The following BLM variants were observed in gnomAD, a reference collection of about 807,000 sequenced individuals.
BLM encodes BLM RecQ like helicase, also known as recQ-like DNA helicase BLM.
BLM carries 95 observed loss-of-function variants against 135.3 expected under a neutral mutation model. The observed-to-expected ratio is 0.70, with a 90% confidence interval of 0.59 to 0.83. The LOEUF is 0.83. Among genes scored for constraint, BLM ranks in the 40% least tolerant of loss-of-function variants. The probability of loss-of-function intolerance (pLI) is 0.00; values close to 1 mark genes in which losing one functional copy is unlikely to be tolerated. For missense variants in BLM, 1,518 were observed against 1,663.9 expected, an observed-to-expected ratio of 0.91 and a Z score of 1.53; for synonymous variants, 520 against 589.2, an observed-to-expected ratio of 0.88 and a Z score of 1.70.
At position 90,766,988 on chromosome 15, in the gene BLM, C is replaced by T; in HGVS notation, c.2272C>T (p.Pro758Ser). Residue 758 changes from proline (P) to serine (S), a missense_variant, in exon 10 of 22, where the codon CCA becomes TCA. By Grantham distance (74) the Pro-to-Ser change is moderately conservative. Around this residue, in one of 5 missense-constraint regions of BLM, gnomAD observed 626 missense variants for 681.1 expected, o/e 0.92. Transcript: ENST00000355112. ...NIYLQLSKKD[P>S]IIKLLYVTPE... Reference sequence around the variant, plus strand: ...TTACCTCCAGTTATCAAAAAAAGACCCAATCATAAAACTTCTATATGTCAC... The same window carrying T: ...TTACCTCCAGTTATCAAAAAAAGACTCAATCATAAAACTTCTATATGTCAC... The T allele has an allele frequency of 6.3e-7, 1 of 1,597,526 alleles. No individual in the cohort carries two copies. The highest frequency in any genetic ancestry group is 8.6e-7 in the Non-Finnish European group (1 of 1,166,362).
At chr15:90,717,995 G>A (rs1297740834) in intron 1 of BLM, among the ~76,000 whole-genome samples, 1 of 152,126 alleles carries the variant, frequency 6.6e-6, no homozygotes, top group Non-Finnish European at 1.5e-5. Flanking sequence ...TCGAATTCTG[G>A]CTCCTTCACA....
At chr15:90,744,953 A>T (rs1038724510) in intron 1 of BLM, among the ~76,000 whole-genome samples, 5 of 151,724 alleles carry the variant, frequency 3.3e-5, no homozygotes, top group African/African-American at 7.3e-5. Context: ...TGGGAGGGTG[A>T]GGTGGGAGGA....
intron 12 of BLM, among the ~76,000 whole-genome samples, chr15:90,770,429 G>A (rs897621353): frequency 9.2e-5 from 14 of 152,148 alleles, no homozygotes; most frequent in Non-Finnish European, 1.5e-4. Flanking sequence ...GCCCGCCTTG[G>A]CCTCCCAAAG....
At position 90,798,221 on chromosome 15, in the gene BLM, T is replaced by G. The variant is rs762716289; in HGVS notation, c.3242T>G (p.Val1081Gly). Residue 1081 changes from valine (V) to glycine (G), a missense_variant, in exon 17 of 22, where the codon GTG becomes GGG. This residue lies in a region of BLM where 626 missense variants were observed against 681.1 expected (regional missense o/e 0.92). Transcript: ENST00000355112. ...DYKTRDVTDD[V>G]KSIVRFVQEH... ...AAAACAAGAGATGTGACTGACGATG[T>G]GAAAAGTATTGTAAGATTTGTTCAA... The G allele has an allele frequency of 1.2e-6, 2 of 1,609,120 alleles. No individual in the cohort carries two copies. The highest frequency in any genetic ancestry group is 2.7e-5 in the African/African-American group (2 of 74,782).
At chr15:90,802,988 G>A (rs1402522676) in intron 17 of BLM, among the ~76,000 whole-genome samples, 2 of 151,848 alleles carry the variant, frequency 1.3e-5, no homozygotes, top group Non-Finnish European at 2.9e-5. Context: ...AATACTAGAT[G>A]CACTTAAATA....
chr15:90,771,659 T>A (rs1338222594), intron 12 of BLM, among the ~76,000 whole-genome samples: 2 of 150,608 alleles, frequency 1.3e-5, no homozygotes, highest in Non-Finnish European at 3.0e-5. Flanking sequence ...CAAGCTGGTC[T>A]CGAACTCCTG....
chr15:90,723,378 G>A (rs1194696367), intron 1 of BLM, among the ~76,000 whole-genome samples: 1 of 150,224 alleles, frequency 6.7e-6, no homozygotes, highest in Non-Finnish European at 1.5e-5. Context: ...TTTTGGCTGG[G>A]CATGGTAGCT....
In BLM at chr15:90,745,679, G is replaced by A. The variant is rs1329494426; in HGVS notation, c.-4-1710G>A. 3.3e-5 allele frequency among the ~76,000 whole-genome samples: 5 copies of A among 152,290 alleles called. No homozygotes were observed. The East Asian group carries it at 5.8e-4, about 18-fold the overall frequency. ...GCTCACCTCAGCCTCCTAAAGTGCT[G>A]GGTCTATGGGCATGAGCCACTGCTG... is the stretch of plus-strand genomic sequence containing the variant. On this transcript the variant is annotated intron_variant, in intron 1 of 21. Transcript: ENST00000355112.
At chr15:90,718,440 G>A (rs1894667194) in intron 1 of BLM, among the ~76,000 whole-genome samples, 1 of 152,192 alleles carries the variant, frequency 6.6e-6, no homozygotes, top group South Asian at 2.1e-4. Context: ...ACAGCTCCTT[G>A]TGCCACCCAT....
At chr15:90,774,688 G>A (rs781507546) in intron 12 of BLM, among the ~76,000 whole-genome samples, 9 of 151,776 alleles carry the variant, frequency 5.9e-5, no homozygotes, top group Non-Finnish European at 1.3e-4. Flanking sequence ...ACAAAAATTA[G>A]CCGGGCGTGG....
intron 1 of BLM, among the ~76,000 whole-genome samples, chr15:90,721,702 G>A (rs1437982815): frequency 6.6e-6 from 1 of 152,014 alleles, no homozygotes; most frequent in African/African-American, 2.4e-5. Flanking sequence ...GGAGGCCTAG[G>A]TGGGCGGATC....
chr15:90,755,253 C>G, intron 5 of BLM: 1 of 338,750 alleles, frequency 3.0e-6, no homozygotes, highest in South Asian at 3.2e-5. Flanking sequence ...CAAATGAGAA[C>G]TTCCACAAAA....
chr15:90,782,050 C>T (rs1179770236), intron 12 of BLM, among the ~76,000 whole-genome samples: 5 of 152,162 alleles, frequency 3.3e-5, no homozygotes, highest in African/African-American at 1.2e-4. Context: ...ACTTCCATTT[C>T]AGTGTTCTAT....
At chr15:90,801,155 AAAAAAG>A in intron 17 of BLM, among the ~76,000 whole-genome samples, 1 of 57,412 alleles carries the variant, frequency 1.7e-5, no homozygotes, top group Non-Finnish European at 4.9e-5. Context: ...TCTCAAAAAA[AAAAAAG>A]TTGTAAAAAA....
At chr15:90,814,258 C>T (rs17183344) in intron 21 of BLM, among the ~76,000 whole-genome samples, 29,088 of 152,174 alleles carry the variant, frequency 0.19, 2,941 homozygotes, top group African/African-American at 0.25. Flanking sequence ...GGCCTGACAT[C>T]AGCCGGTTAC....
At chr15:90,780,151 G>A (rs1896583626) in intron 12 of BLM, among the ~76,000 whole-genome samples, 2 of 148,508 alleles carry the variant, frequency 1.3e-5, no homozygotes, top group Non-Finnish European at 3.0e-5. Flanking sequence ...GTGGTGTGAT[G>A]TCGGCTCACT....
intron 5 of BLM, chr15:90,755,289 C>T (rs760305357): frequency 2.9e-5 from 9 of 315,608 alleles, no homozygotes; most frequent in Admixed American, 4.9e-5. Flanking sequence ...ACACGGACCA[C>T]AGAGCGTAAT....
In BLM at chr15:90,811,391, G is replaced by C. The variant is rs891751726; in HGVS notation, c.4061G>C (p.Gly1354Ala). 9 of 1,614,062 alleles carry C rather than the reference G, an allele frequency of 5.6e-6. No homozygotes were observed. The African/African-American group carries it at 1.2e-4, about 22-fold the overall frequency. The change falls in exon 21 of 22, where the codon GGT (glycine) becomes GCT (alanine). Residue 1354 changes from glycine (G) to alanine (A), a missense_variant. Around this residue, in one of 5 missense-constraint regions of BLM, gnomAD observed 153 missense variants for 173.4 expected, o/e 0.88. Coordinates refer to ENST00000355112, the MANE Select transcript of BLM (RefSeq NM_000057.4). ...AAGAGGAGAAAAACTGCTTCCAGTG[G>C]TTCCAAGGCAAAGGGGTATGTTTTG... ...RSKRRKTASS[G>A]SKAKGGSATC...
chr15:90,733,636 A>C (rs1008276678), intron 1 of BLM, among the ~76,000 whole-genome samples: 2 of 152,226 alleles, frequency 1.3e-5, no homozygotes, highest in African/African-American at 4.8e-5. Flanking sequence ...TTTAGTTCTT[A>C]GACCCTCTTT....
Sources: gnomAD v4.1 joint callset for allele counts (sites outside exome capture counted in the v4.1 genomes callset) on GRCh38, gnomAD v4.1.1 for gene constraint, gnomAD v4.1.1 regional missense constraint, MANE v1.5 for transcripts, NCBI Gene and HGNC (gene_info 2026-07-23, HGNC 2026-07-21) for gene names.